UBE4A: variants seen among roughly 807,000 people sequenced by gnomAD.
UBE4A encodes the protein ubiquitin conjugation factor E4 A.
In UBE4A, 48 loss-of-function variants were observed where a neutral mutation model predicts 117.9. The ratio of observed to expected loss-of-function variants is 0.41; its 90% confidence interval spans 0.32 to 0.52. The LOEUF (loss-of-function observed/expected upper bound fraction) is 0.52, where lower values mean the gene tolerates loss of function less well. Ranked by LOEUF, UBE4A falls within the 20% of genes least tolerant of loss-of-function variation. The pLI is 0.33. For missense variants in UBE4A, 1,067 were observed against 1,296.3 expected (o/e 0.82, Z 2.72); for synonymous variants, 407 against 450.0 (o/e 0.90, Z 1.21).
rs560108167 is a variant in UBE4A at position 118,386,588 on chromosome 11, G to A, written c.2563G>A (p.Gly855Ser). ...TAACATCATGTCCAATGAAACAATC[G>A]GTACCCTTGCCTTTCTCACATCAGG... ...FHNIMSNETIGTLAFLTSEIK... is the reference protein window; with the variant it reads ...FHNIMSNETISTLAFLTSEIK... Residue 855 changes from glycine (G) to serine (S), a missense_variant, in exon 16 of 20, where the codon GGT (glycine) becomes AGT (serine). Physicochemically the swap from Gly to Ser is moderately conservative, Grantham distance 56. This residue lies in a region of UBE4A where 1,001 missense variants were observed against 1,184.0 expected (regional missense o/e 0.85). Coordinates refer to ENST00000252108, the MANE Select transcript of UBE4A (RefSeq NM_001204077.2). 1.3e-5 allele frequency: 20 copies of A among 1,581,952 alleles called. No homozygotes were observed. The highest frequency in any genetic ancestry group is 9.3e-5 in the South Asian group (8 of 86,130).
intron 2 of UBE4A, 114 bp downstream of exon 2, chr11:118,365,315 G>GA (rs1306505153): frequency 2.6e-5 from 37 of 1,402,376 alleles, no homozygotes; most frequent in Non-Finnish European, 3.4e-5. Flanking sequence ...AACAAAAGTT[G>GA]GTTTTTGTTT....
chr11:118,384,597 AC>A (rs1555126845), intron 13 of UBE4A, 37 bp from the exon 14 acceptor site: 1 of 1,572,718 alleles, frequency 6.4e-7, no homozygotes, highest in Non-Finnish European at 8.7e-7. Context: ...CTCTTATGGC[AC>A]CGCCTTTGCT....
intron 2 of UBE4A, among the ~76,000 whole-genome samples, chr11:118,366,075 ACACT>A (rs1170164487): frequency 6.7e-6 from 1 of 150,034 alleles, no homozygotes; most frequent in Non-Finnish European, 1.5e-5. Flanking sequence ...AAAAAAAAAA[ACACT>A]CAGGTGCATA....
At chr11:118,373,949 C>CA (rs199500047) in intron 8 of UBE4A, among the ~76,000 whole-genome samples, 3,795 of 151,794 alleles carry the variant, frequency 0.025, 72 homozygotes, top group Non-Finnish European at 0.037. Context: ...CCCATGTCTA[C>CA]AAAAAAATAC....
Position 118,372,537 on chromosome 11 carries a change from T to C in UBE4A, c.592T>C (p.Phe198Leu). The C allele has an allele frequency of 6.2e-7, 1 of 1,611,982 alleles. No individual in the cohort carries two copies. The highest frequency in any genetic ancestry group is 8.5e-7 in the Non-Finnish European group (1 of 1,179,524). The stretch of plus-strand genomic sequence containing the variant: ...CAAAGTTCCAGAGAACCTGCTACCC[T>C]TTGCAGTGCAGTGCAGAAACCTCAC... ...ITKVPENLLPFAVQCRNLTVS... is the reference protein window; with the variant it reads ...ITKVPENLLPLAVQCRNLTVS... The change falls in exon 6 of 20, where the codon TTT becomes CTT. Residue 198 changes from phenylalanine to leucine, a missense_variant. Coordinates refer to ENST00000252108, the MANE Select transcript of UBE4A (RefSeq NM_001204077.2).
At chr11:118,375,906 T>C (rs1555125300) in intron 9 of UBE4A, among the ~76,000 whole-genome samples, 1 of 152,148 alleles carries the variant, frequency 6.6e-6, no homozygotes, top group East Asian at 1.9e-4. Flanking sequence ...AGGGAGTAAA[T>C]AATCAATTCT....
chr11:118,383,930 TATA>T (rs1431704359), intron 13 of UBE4A, among the ~76,000 whole-genome samples: 1 of 152,232 alleles, frequency 6.6e-6, no homozygotes, highest in Non-Finnish European at 1.5e-5. Context: ...TAAGAAATTG[TATA>T]ATAAATCATT....
At chr11:118,379,063 A>G (rs1404495638) in intron 10 of UBE4A, 1 of 210,480 alleles carries the variant, frequency 4.8e-6, no homozygotes, top group Non-Finnish European at 9.7e-6. Context: ...AAGTATGATC[A>G]TTGCATCAAA....
chr11:118,383,484 T>G (rs782625626), intron 13 of UBE4A, among the ~76,000 whole-genome samples: 1 of 150,968 alleles, frequency 6.6e-6, no homozygotes, highest in African/African-American at 2.4e-5. Context: ...TCCCAGCTAC[T>G]TAGGAGGCAG....
chr11:118,371,841 G>C (rs1181592956), intron 5 of UBE4A, among the ~76,000 whole-genome samples, 175 bp downstream of exon 5: 2 of 152,290 alleles, frequency 1.3e-5, no homozygotes, highest in East Asian at 3.9e-4. Flanking sequence ...AGTATGTTTA[G>C]AACACTGGAT....
intron 1 of UBE4A, among the ~76,000 whole-genome samples, chr11:118,361,631 G>GT (rs955346437): frequency 3.9e-5 from 6 of 152,100 alleles, no homozygotes; most frequent in South Asian, 2.1e-4. Flanking sequence ...GAACCTTTTT[G>GT]TTTTTTACAG....
chr11:118,377,382 T>C (rs1948662147), intron 10 of UBE4A, among the ~76,000 whole-genome samples: 1 of 151,608 alleles, frequency 6.6e-6, no homozygotes, highest in Admixed American at 6.6e-5. Context: ...TGATTTTGTA[T>C]TTTTTTAGTA....
At chr11:118,379,848 ATCAT>A in intron 11 of UBE4A, 98 bp downstream of exon 11, 1 of 1,362,248 alleles carries the variant, frequency 7.3e-7, no homozygotes, top group Non-Finnish European at 9.9e-7. Context: ...TTTCTTCGTT[ATCAT>A]TCAGTTGTTT....
At position 118,389,603 on chromosome 11, in the gene UBE4A, T is replaced by C. The variant is rs529366276; in HGVS notation, c.2588-122T>C. 2.6e-5 allele frequency: 26 copies of C among 983,624 alleles called. No individual in the cohort carries two copies. In the East Asian group the frequency reaches 7.1e-4, roughly 27 times the overall value. The allele number at this position is 983,624 out of a possible 1,614,324, so 60.9% of individuals were successfully genotyped here. A position where few individuals can be genotyped will look rare whatever the true frequency, so the allele number is the denominator to read the frequency against. On this transcript the variant is annotated intron_variant, in intron 16 of 19. Coordinates refer to ENST00000252108, the MANE Select transcript of UBE4A (RefSeq NM_001204077.2). ...ATTACTTAGTTTTTTAAAAAAGTAG[T>C]TCCTTCAAAATGTTTAGAAATAAAA... is the stretch of plus-strand genomic sequence containing the variant.
intron 15 of UBE4A, among the ~76,000 whole-genome samples, chr11:118,385,965 C>T (rs782547822): frequency 3.3e-5 from 5 of 152,080 alleles, no homozygotes; most frequent in Non-Finnish European, 5.9e-5. Context: ...GGAAGGATGA[C>T]GTGAGGTAGA....
intron 16 of UBE4A, 106 bp downstream of exon 16, chr11:118,386,718 T>C (rs1370792351): frequency 8.1e-6 from 10 of 1,228,416 alleles, no homozygotes; most frequent in Non-Finnish European, 9.9e-6. Flanking sequence ...CTGGTGACAG[T>C]ATCCTCCACA....
intron 12 of UBE4A, among the ~76,000 whole-genome samples, chr11:118,381,894 G>C (rs1555126384): frequency 6.6e-6 from 1 of 152,210 alleles, no homozygotes; most frequent in Non-Finnish European, 1.5e-5. Context: ...TGGATGAGCA[G>C]TAAACTTAAG....
intron 4 of UBE4A, among the ~76,000 whole-genome samples, chr11:118,370,273 G>A (rs1331414105): frequency 5.3e-5 from 8 of 152,046 alleles, no homozygotes; most frequent in African/African-American, 1.9e-4. Context: ...TAAGGGCAAG[G>A]CCCATCGCTT....
chr11:118,363,399 C>A (rs1948535699), intron 1 of UBE4A, among the ~76,000 whole-genome samples: 1 of 151,988 alleles, frequency 6.6e-6, no homozygotes, highest in Non-Finnish European at 1.5e-5. Context: ...AATAACAGTT[C>A]AATTCCTTGA....
Sources: allele counts gnomAD v4.1 joint callset (sites outside exome capture counted in the v4.1 genomes callset), GRCh38; gene constraint gnomAD v4.1.1; regional missense constraint gnomAD v4.1.1; transcripts MANE v1.5; gene names NCBI Gene and HGNC (gene_info 2026-07-23, HGNC 2026-07-21).